PPP6R2: variants seen among roughly 807,000 people sequenced by gnomAD.
PPP6R2 encodes serine/threonine-protein phosphatase 6 regulatory subunit 2.
PPP6R2 carries 62 observed loss-of-function variants against 100.2 expected under a neutral mutation model. The observed-to-expected ratio is 0.62, with a 90% CI of 0.50 to 0.76. PPP6R2 has a LOEUF of 0.76. PPP6R2 is among the 30% of genes least tolerant of loss of function. PPP6R2 has a pLI of 0.00. For synonymous variants in PPP6R2, 525 were observed against 514.7 expected, an observed-to-expected ratio of 1.02 and a Z score of -0.27; for missense variants, 1,142 against 1,276.3, an observed-to-expected ratio of 0.89 and a Z score of 1.60.
intron 6 of PPP6R2, among the ~76,000 whole-genome samples, chr22:50,417,997 C>T (rs1051374061): frequency 1.3e-5 from 2 of 152,202 alleles, no homozygotes; most frequent in African/African-American, 2.4e-5. Context: ...GTTCCCATCA[C>T]GGATTGCGTG....
Position 50,343,347 on chromosome 22 carries a change from G to C in PPP6R2, c.-351G>C, listed in dbSNP as rs72619589. ...CCGCCGCCGCCATTTTGGAGCGATC[G>C]GAGTGCCGCCCGCGGCCCCGAGTCG... On this transcript the variant is annotated 5_prime_UTR_variant, in exon 1 of 24. Transcript: ENST00000612753. The C allele has an allele frequency of 0.49, 73,835 of 150,048 alleles. 19,325 individuals carry two copies. The highest frequency in any genetic ancestry group is 0.67 in the African/African-American group (27,386 of 41,100). 9.3% of individuals were successfully genotyped at this position (150,048 alleles called of 1,614,324 possible).
intron 1 of PPP6R2, among the ~76,000 whole-genome samples, chr22:50,353,091 G>A (rs2045680608): frequency 6.6e-6 from 1 of 152,176 alleles, no homozygotes; most frequent in South Asian, 2.1e-4. Flanking sequence ...CTCCGTGTCA[G>A]CAATAAAGCT....
the PPP6R2 span, among the ~76,000 whole-genome samples, chr22:50,337,785 T>G: frequency 6.7e-4 from 91 of 136,726 alleles, no homozygotes; most frequent in African/African-American, 2.0e-3. Context: ...TGTGTGTGGG[T>G]GTGTGTGTGC....
At chr22:50,349,385 C>T (rs1052230440) in intron 1 of PPP6R2, among the ~76,000 whole-genome samples, 15 of 114,650 alleles carry the variant, frequency 1.3e-4, no homozygotes, top group Admixed American at 1.3e-3. Context: ...AAAAAAAAAA[C>T]GGGCTGGACG....
chr22:50,334,113 G>C, the PPP6R2 span, among the ~76,000 whole-genome samples: 1 of 152,266 alleles, frequency 6.6e-6, no homozygotes. Context: ...AGTGGACTAG[G>C]AGCGTGACCG....
intron 1 of PPP6R2, among the ~76,000 whole-genome samples, chr22:50,365,069 CTTTTT>C (rs753699499): frequency 1.6e-5 from 2 of 128,426 alleles, no homozygotes; most frequent in Non-Finnish European, 1.6e-5. Context: ...ATATGAGATA[CTTTTT>C]TTTTTTTTTT....
chr22:50,411,352 G>C (rs113295245), intron 4 of PPP6R2, among the ~76,000 whole-genome samples: 1 of 152,078 alleles, frequency 6.6e-6, no homozygotes, highest in Non-Finnish European at 1.5e-5. Context: ...TCCTTGGTGG[G>C]GCTGAGACAG....
In PPP6R2 at chr22:50,431,052, C is replaced by G; in HGVS notation, c.1126-121C>G. The G allele has an allele frequency of 3.9e-6, 3 of 772,418 alleles. No individual in the cohort carries two copies. Among genetic ancestry groups the G allele is most frequent in the Non-Finnish European group, 6.4e-6 (3 of 466,202 alleles). The allele number at this position is 772,418 out of a possible 1,614,324, so 47.8% of individuals were successfully genotyped here. ...CGCTTAAAACTCCTTCCTAGCTACC[C>G]AGAGACTGGACTTGTGAGGAGTTAG... is the stretch of plus-strand genomic sequence containing the variant. On this transcript the variant is annotated intron_variant, in intron 10 of 23. Transcript: ENST00000612753. The surrounding 1 kb of genome is among the most constrained non-coding windows in gnomAD (Gnocchi z 4.8).
intron 2 of PPP6R2, among the ~76,000 whole-genome samples, chr22:50,372,852 C>T (rs1022225292): frequency 6.6e-6 from 1 of 151,880 alleles, no homozygotes; most frequent in Non-Finnish European, 1.5e-5. Flanking sequence ...CCACACCTGG[C>T]TAATTTTTGT....
At chr22:50,438,074 C>A in intron 17 of PPP6R2, 100 bp from the exon 18 acceptor site, 1 of 1,525,730 alleles carries the variant, frequency 6.6e-7, no homozygotes, top group Non-Finnish European at 8.9e-7. Context: ...GCCCGGGGCT[C>A]CCACATCCCG....
the PPP6R2 span, among the ~76,000 whole-genome samples, chr22:50,338,107 TGTG>T: frequency 2.2e-5 from 3 of 137,942 alleles, no homozygotes; most frequent in African/African-American, 8.4e-5. Flanking sequence ...GTGTGTGGTA[TGTG>T]GTGTGTGTGC....
intron 6 of PPP6R2, 77 bp downstream of exon 6, chr22:50,416,234 G>A: frequency 7.7e-7 from 1 of 1,293,182 alleles, no homozygotes; most frequent in Non-Finnish European, 1.1e-6. Context: ...GCGGGCCAGG[G>A]GGCGAGGGAG....
At chr22:50,360,959 C>G (rs924895697) in intron 1 of PPP6R2, among the ~76,000 whole-genome samples, 4 of 152,222 alleles carry the variant, frequency 2.6e-5, no homozygotes, top group African/African-American at 9.6e-5. Context: ...TGTCCTCTCT[C>G]TGGGCTACTG....
Position 50,394,015 on chromosome 22 carries a change from A to G in PPP6R2, c.107A>G (p.Glu36Gly). 1 of 1,614,162 alleles carries G rather than the reference A, an allele frequency of 6.2e-7. No individual in the cohort carries two copies. The highest frequency in any genetic ancestry group is 8.5e-7 in the Non-Finnish European group (1 of 1,180,030). ...ELMDEDDILQ[E>G]CKAQNQKLLD... The stretch of plus-strand genomic sequence containing the variant: ...ATGGATGAAGATGACATCTTGCAGG[A>G]GTGTAAGGCTCAGAACCAGAAGCTG... Residue 36 changes from glutamate to glycine, a missense_variant, in exon 3 of 24, where the codon GAG becomes GGG. Physicochemically the swap from Glu to Gly is moderately conservative, Grantham distance 98. Around this residue, in one of 2 missense-constraint regions of PPP6R2, gnomAD observed 592 missense variants for 758.9 expected, o/e 0.78. Coordinates refer to ENST00000612753, the MANE Select transcript of PPP6R2 (RefSeq NM_001242898.2).
chr22:50,429,786 G>T (rs1250575140), intron 10 of PPP6R2, among the ~76,000 whole-genome samples: 1 of 152,160 alleles, frequency 6.6e-6, no homozygotes, highest in Non-Finnish European at 1.5e-5. Context: ...CGGGCTTTTT[G>T]TTGAGAGGTA....
At chr22:50,438,383 G>C (rs1212398515) in intron 18 of PPP6R2, 85 bp downstream of exon 18, 50 of 1,548,010 alleles carry the variant, frequency 3.2e-5, no homozygotes, top group Admixed American at 9.6e-5. Flanking sequence ...TGGTTCGTTA[G>C]CTGGCTTGCA....
intron 1 of PPP6R2, among the ~76,000 whole-genome samples, chr22:50,362,831 T>G (rs1343264251): frequency 6.6e-6 from 1 of 152,152 alleles, no homozygotes; most frequent in Non-Finnish European, 1.5e-5. Context: ...GCAACCTAAT[T>G]GGCCAGCACC....
At chr22:50,408,889 T>A (rs999144518) in intron 4 of PPP6R2, among the ~76,000 whole-genome samples, 1 of 152,008 alleles carries the variant, frequency 6.6e-6, no homozygotes, top group Non-Finnish European at 1.5e-5. Flanking sequence ...CCGAGGCGAG[T>A]GGATCACCTG....
intron 1 of PPP6R2, among the ~76,000 whole-genome samples, chr22:50,346,465 CAA>C (rs1292610176): frequency 9.2e-6 from 1 of 108,170 alleles, no homozygotes; most frequent in Non-Finnish European, 2.0e-5. Flanking sequence ...AGTTTCCTCC[CAA>C]GTCAGGGCCC....
Sources: gnomAD v4.1 joint callset for allele counts (sites outside exome capture counted in the v4.1 genomes callset) on GRCh38, gnomAD v4.1.1 for gene constraint, gnomAD v4.1.1 regional missense constraint, Gnocchi (gnomAD v3.1) non-coding constraint, MANE v1.5 for transcripts, NCBI Gene and HGNC (gene_info 2026-07-23, HGNC 2026-07-21) for gene names.